The following SGO1 variants were observed in gnomAD, a reference collection of about 807,000 sequenced individuals.
SGO1 encodes the protein shugoshin 1.
Under a neutral mutation model 50.5 loss-of-function variants are expected in SGO1, and 39 were observed. That is an observed-to-expected ratio of 0.77 (90% CI 0.60 to 1.01). The LOEUF is 1.01. Among genes scored for constraint, SGO1 ranks in the 50% least tolerant of loss-of-function variants. SGO1 has a pLI of 0.00. For synonymous variants in SGO1, 191 were observed against 205.1 expected, an observed-to-expected ratio of 0.93 and a Z score of 0.59; for missense variants, 638 against 606.0, an observed-to-expected ratio of 1.05 and a Z score of -0.55.
Position 20,170,841 on chromosome 3 carries a change from G to A in SGO1, c.1473-26C>T, listed in dbSNP as rs755488659. 6.3e-6 allele frequency: 10 copies of A among 1,578,610 alleles called. No individual in the cohort carries two copies. The South Asian group carries it at 1.1e-4, about 17-fold the overall frequency. On this transcript the variant is annotated intron_variant, in intron 7 of 7. Transcript: ENST00000412997. Reference sequence around the variant, plus strand: ...CTGTAAGAGTAAAAAGAGATCTCAGGCATAATGTAAGCATCCCAATATTAA... The same window carrying A: ...CTGTAAGAGTAAAAAGAGATCTCAGACATAATGTAAGCATCCCAATATTAA...
At chr3:20,185,575 G>T (rs1052376573) in intron 1 of SGO1, among the ~76,000 whole-genome samples, 1 of 152,146 alleles carries the variant, frequency 6.6e-6, no homozygotes, top group Non-Finnish European at 1.5e-5. Flanking sequence ...TGCGAAGACA[G>T]CCAGGTAGGA....
At chr3:20,164,688 C>T (rs1030294581), downstream of SGO1, among the ~76,000 whole-genome samples, 1 of 152,100 alleles carries the variant, frequency 6.6e-6, no homozygotes. Flanking sequence ...CCTAATGGAA[C>T]TGCAAAACAT....
chr3:20,175,122 T>C (rs747098325), intron 5 of SGO1, 67 bp from the exon 6 acceptor site: 13 of 1,343,500 alleles, frequency 9.7e-6, no homozygotes, highest in Non-Finnish European at 1.3e-5. Flanking sequence ...TCAAGAACTT[T>C]AGAATTCAAA....
downstream of SGO1, chr3:20,169,372 T>C (rs1277636725): frequency 3.0e-6 from 3 of 983,918 alleles, no homozygotes; most frequent in African/African-American, 5.3e-5. Flanking sequence ...CACCCCCCCC[T>C]CAAAAAAGAG....
chr3:20,174,672 T>C lies in SGO1; in HGVS notation c.859A>G (p.Thr287Ala). Residue 287 changes from threonine to alanine, a missense_variant, in exon 6 of 8, where the codon ACA becomes GCA. Physicochemically the swap from Thr to Ala is moderately conservative, Grantham distance 58. Coordinates refer to ENST00000412997, the MANE Select transcript of SGO1 (RefSeq NM_001199251.3). ...TTCTCTTCTCTTTTTCTTTCTTGTG[T>C]ATCTCTTTGCTTACTTTTAGTTTGT... is the stretch of plus-strand genomic sequence containing the variant. Reference protein sequence around the residue: ...SEQTKSKQRDTQERKREEKRK... With the variant: ...SEQTKSKQRDAQERKREEKRK... 6.2e-7 allele frequency: 1 copy of C among 1,609,682 alleles called. No individual in the cohort carries two copies. The highest frequency in any genetic ancestry group is 8.5e-7 in the Non-Finnish European group (1 of 1,178,202).
Position 20,176,476 on chromosome 3 carries a change from C to A in SGO1, c.475+125G>T, listed in dbSNP as rs1427528500. ...GTAAAATAAACAGATTTGCTTTGAG[C>A]AGAATACCAGATGAACAAATTTAAA... On this transcript the variant is annotated intron_variant, in intron 5 of 7. Coordinates refer to ENST00000412997, the MANE Select transcript of SGO1 (RefSeq NM_001199251.3). 1.8e-5 allele frequency: 11 copies of A among 607,362 alleles called. No homozygotes were observed. The Admixed American group carries it at 3.9e-4, about 21-fold the overall frequency. 37.6% of individuals were successfully genotyped at this position (607,362 alleles called of 1,614,324 possible). A position where few individuals can be genotyped will look rare whatever the true frequency, so the allele number is the denominator to read the frequency against.
At chr3:20,177,970 A>G (rs547575362) in intron 4 of SGO1, among the ~76,000 whole-genome samples, 1 of 152,278 alleles carries the variant, frequency 6.6e-6, no homozygotes, top group East Asian at 1.9e-4. Context: ...TTCTTAGAAT[A>G]AAAACATGGT....
Position 20,174,956 on chromosome 3 carries a change from C to G in SGO1, c.575G>C (p.Arg192Pro), listed in dbSNP as rs200607145. ...DNVLPRTVSV[R>P]SSLKKHCNSI... is the part of the protein sequence containing the mutation. ...GTTACAATGTTTCTTTAAACTGCTA[C>G]GAACAGATACAGTTCTAGGTAAGAC... The change falls in exon 6 of 8, where the codon CGT (arginine) becomes CCT (proline). Residue 192 changes from arginine (R) to proline (P), a missense_variant. Physicochemically the swap from Arg to Pro is moderately radical, Grantham distance 103. Transcript: ENST00000412997. 1.2e-6 allele frequency: 2 copies of G among 1,613,774 alleles called. No homozygotes were observed. Among genetic ancestry groups the G allele is most frequent in the Non-Finnish European group, 1.7e-6 (2 of 1,179,914 alleles).
At chr3:20,184,202 TTCATA>T (rs1250256212) in intron 1 of SGO1, among the ~76,000 whole-genome samples, 168 bp from the exon 2 acceptor site, 1 of 152,196 alleles carries the variant, frequency 6.6e-6, no homozygotes, top group African/African-American at 2.4e-5. Flanking sequence ...TAAAATCTCA[TTCATA>T]TTTCTGATAT....
chr3:20,172,922 T>A (rs1004834420), intron 6 of SGO1, among the ~76,000 whole-genome samples: 1 of 151,804 alleles, frequency 6.6e-6, no homozygotes, highest in Non-Finnish European at 1.5e-5. Flanking sequence ...GCCATGACAG[T>A]GCCACTGCCC....
chr3:20,185,863 G>A (rs944955389), intron 1 of SGO1, 85 bp downstream of exon 1: 11 of 152,196 alleles, frequency 7.2e-5, no homozygotes, highest in Admixed American at 7.2e-4. Flanking sequence ...GGACTCCACG[G>A]CCCGAGCTTT....
Position 20,169,718 on chromosome 3 carries a change from C to T in SGO1, c.*986G>A, listed in dbSNP as rs1700527113. 1.1e-6 allele frequency: 1 copy of T among 895,052 alleles called. No homozygotes were observed. The highest frequency in any genetic ancestry group is 1.3e-6 in the Non-Finnish European group (1 of 747,910). The allele number at this position is 895,052 out of a possible 1,614,324, so 55.4% of individuals were successfully genotyped here. A position where few individuals can be genotyped will look rare whatever the true frequency, so the allele number is the denominator to read the frequency against. On this transcript the variant is annotated 3_prime_UTR_variant, in exon 8 of 8. Coordinates refer to ENST00000412997, the MANE Select transcript of SGO1 (RefSeq NM_001199251.3). ...GACATTTGTAATTTTATGGAGACAT[C>T]ACTCTGAACATACAATTAGAGCTTG...
At chr3:20,176,224 G>C (rs1231609482) in intron 5 of SGO1, among the ~76,000 whole-genome samples, 6 of 152,138 alleles carry the variant, frequency 3.9e-5, no homozygotes, top group Non-Finnish European at 7.4e-5. Context: ...TTAACATCTA[G>C]ACTTCTTCAT....
chr3:20,176,495 A>G (rs1489950626), intron 5 of SGO1, 106 bp downstream of exon 5: 1 of 717,718 alleles, frequency 1.4e-6, no homozygotes. Flanking sequence ...AGATGAACAA[A>G]TTTAAAAAGT....
At chr3:20,165,408 T>C (rs1184517238), downstream of SGO1, among the ~76,000 whole-genome samples, 2 of 152,104 alleles carry the variant, frequency 1.3e-5, no homozygotes, top group African/African-American at 4.8e-5. Context: ...AGGAACCAAA[T>C]TGTAGCAGAT....
chr3:20,167,530 A>T (rs994842477), downstream of SGO1, among the ~76,000 whole-genome samples: 1 of 152,210 alleles, frequency 6.6e-6, no homozygotes, highest in African/African-American at 2.4e-5. Flanking sequence ...ATAATAATTC[A>T]TAAAGGAAGA....
At chr3:20,175,754 G>A (rs55919884) in intron 5 of SGO1, among the ~76,000 whole-genome samples, 39,648 of 150,944 alleles carry the variant, frequency 0.26, 5,169 homozygotes, top group African/African-American at 0.27. Flanking sequence ...AGCTGAGATC[G>A]CACCACTGCT....
In SGO1 at chr3:20,174,494, G is replaced by GT. The variant is rs1284606302; in HGVS notation, c.1036dup (p.Thr346AsnfsTer10). ...ATTGCTCACTTTTTGTCGGAAAGGA[G>GT]TAAGATGAACACCCTCTTCCAAATT... is the stretch of plus-strand genomic sequence containing the variant. On this transcript the variant is annotated frameshift_variant, in exon 6 of 8. Coordinates refer to ENST00000412997, the MANE Select transcript of SGO1 (RefSeq NM_001199251.3). LOFTEE classifies it high-confidence loss of function. 1 of 1,614,128 alleles carries GT rather than the reference G, an allele frequency of 6.2e-7. No homozygotes were observed.
At chr3:20,180,246 A>G (rs1321715717) in intron 3 of SGO1, among the ~76,000 whole-genome samples, 1 of 152,180 alleles carries the variant, frequency 6.6e-6, no homozygotes, top group Non-Finnish European at 1.5e-5. Flanking sequence ...ATGATATGCC[A>G]CTGCACTTCA....
Sources: gnomAD v4.1 joint callset for allele counts (sites outside exome capture counted in the v4.1 genomes callset) on GRCh38, gnomAD v4.1.1 for gene constraint, MANE v1.5 for transcripts, NCBI Gene and HGNC (gene_info 2026-07-23, HGNC 2026-07-21) for gene names.